YIPF2: variants seen among roughly 807,000 people sequenced by gnomAD.
The protein encoded by YIPF2 is Yip1 domain family member 2.
A neutral mutation model predicts 38.8 loss-of-function variants in YIPF2; 30 were observed. That is an observed-to-expected ratio of 0.77 (90% CI 0.58 to 1.05). The LOEUF (loss-of-function observed/expected upper bound fraction) is 1.05, where lower values mean the gene tolerates loss of function less well. Among genes scored for constraint, YIPF2 ranks in the 50% least tolerant of loss-of-function variants. The pLI, the probability that YIPF2 is intolerant of heterozygous loss-of-function variation, is 0.00. For synonymous variants in YIPF2, 194 were observed against 183.8 expected (o/e 1.06, Z -0.45); for missense variants, 401 against 409.7 (o/e 0.98, Z 0.18).
At chr19:10,928,328 T>G in intron 2 of YIPF2, 52 bp downstream of exon 2, 1 of 1,324,854 alleles carries the variant, frequency 7.5e-7, no homozygotes, top group Non-Finnish European at 9.7e-7. Flanking sequence ...CGGGGGGAGG[T>G]TCTGGCCCGG....
At chr19:10,928,063 G>T in intron 2 of YIPF2, 104 bp from the exon 3 acceptor site, 5 of 1,475,728 alleles carry the variant, frequency 3.4e-6, no homozygotes, top group Non-Finnish European at 3.7e-6. Context: ...GCTCTGCTGA[G>T]CCATTGATCT....
chr19:10,927,520 C>G, intron 4 of YIPF2, 110 bp downstream of exon 4: 1 of 1,375,894 alleles, frequency 7.3e-7, no homozygotes, highest in South Asian at 1.3e-5. Context: ...TTTGAGAGCA[C>G]CACAGTTCGT....
Position 10,923,965 on chromosome 19 carries a change from C to G in YIPF2, c.519G>C (p.Ala173=). Residue 173 remains alanine (A), a synonymous_variant, in exon 7 of 10, where the codon GCG becomes GCC. Coordinates refer to ENST00000586748, the MANE Select transcript of YIPF2 (RefSeq NM_001321439.2). Reference sequence around the variant, plus strand: ...CCCACAGGGCCAGGGGCACCAGCCACGCATAGCAGTAGATGCTGATGCCTG... The same window carrying G: ...CCCACAGGGCCAGGGGCACCAGCCAGGCATAGCAGTAGATGCTGATGCCTG... ...TVAGISIYCY[A]WLVPLALWGF... 1 of 1,613,464 alleles carries G rather than the reference C, an allele frequency of 6.2e-7. No individual in the cohort carries two copies. The highest frequency in any genetic ancestry group is 8.5e-7 in the Non-Finnish European group (1 of 1,179,794).
intron 4 of YIPF2, among the ~76,000 whole-genome samples, chr19:10,927,239 G>C (rs563472105): frequency 4.6e-5 from 7 of 152,228 alleles, no homozygotes; most frequent in African/African-American, 1.7e-4. Context: ...GAACTCCTCA[G>C]GTTATCTGCC....
rs1432371088 is a variant in YIPF2 at position 10,922,727 on chromosome 19, GAAA to G, written c.*464_*466del. The G allele has an allele frequency of 6.6e-6, 1 of 152,230 alleles. No homozygotes were observed. The highest frequency in any genetic ancestry group is 6.6e-5 in the Admixed American group (1 of 15,256). 9.4% of individuals were successfully genotyped at this position (152,230 alleles called of 1,614,324 possible). On this transcript the variant is annotated 3_prime_UTR_variant, in exon 10 of 10. Transcript: ENST00000586748. The stretch of plus-strand genomic sequence containing the variant: ...GCAGGGACCTCTCCCTCCAAAAAAA[GAAA>G]AAAAGAAAAAGAAAGAAAAAATAAA...
chr19:10,928,360 C>G lies in YIPF2; in HGVS notation c.31+20G>C. 7.6e-7 allele frequency: 1 copy of G among 1,320,502 alleles called. No individual in the cohort carries two copies. The highest frequency in any genetic ancestry group is 9.7e-7 in the Non-Finnish European group (1 of 1,028,994). The allele number at this position is 1,320,502 out of a possible 1,614,324, so 81.8% of individuals were successfully genotyped here. ...CCGGGGCGGGAGTGGGAGATCCGGC[C>G]ACGTCGGGGCCGCACTCACCATGGA... On this transcript the variant is annotated intron_variant, in intron 2 of 9. Coordinates refer to ENST00000586748, the MANE Select transcript of YIPF2 (RefSeq NM_001321439.2).
chr19:10,923,454 CT>C (rs749892128), intron 8 of YIPF2, 40 bp downstream of exon 8: 4 of 1,613,042 alleles, frequency 2.5e-6, no homozygotes, highest in Non-Finnish European at 2.5e-6. Context: ...CCATGCCCCC[CT>C]AGCCCCTCGG....
intron 5 of YIPF2, among the ~76,000 whole-genome samples, chr19:10,924,459 C>A (rs1421654933): frequency 6.6e-6 from 1 of 152,128 alleles, no homozygotes; most frequent in Non-Finnish European, 1.5e-5. Flanking sequence ...CTCTTTGACT[C>A]TCTGACCCCT....
Position 10,924,082 on chromosome 19 carries a change from G to C in YIPF2, c.478C>G (p.His160Asp). 1 of 1,613,880 alleles carries C rather than the reference G, an allele frequency of 6.2e-7. No individual in the cohort carries two copies. The change falls in exon 6 of 10, where the codon CAC becomes GAC. Residue 160 changes from histidine to aspartate, a missense_variant. Transcript: ENST00000586748. The part of the protein sequence containing the change: ...DPSIHYSPQF[H>D]KVTVAGISIY... ...GGCCTGCCCGTCTGCTTACCCTTGT[G>C]GAACTGGGGGCTGTAGTGGATGGAG... is the stretch of plus-strand genomic sequence containing the variant.
intron 5 of YIPF2, among the ~76,000 whole-genome samples, chr19:10,924,438 CCT>C (rs1438573094): frequency 3.9e-5 from 6 of 152,112 alleles, no homozygotes; most frequent in Admixed American, 1.3e-4. Context: ...TTCCTCAACC[CCT>C]GTCACCTCCT....
chr19:10,926,878 T>G (rs1175481600), intron 4 of YIPF2, among the ~76,000 whole-genome samples: 1 of 151,552 alleles, frequency 6.6e-6, no homozygotes, highest in Non-Finnish European at 1.5e-5. Context: ...TTTATCTTAT[T>G]TTATTTTTGA....
rs760989205 is a variant in YIPF2, at chr19:10,923,076, G to C, written c.*118C>G. On this transcript the variant is annotated 3_prime_UTR_variant, in exon 10 of 10. Transcript: ENST00000586748. Reference sequence around the variant, plus strand: ...TAAAAGTGTTTGCTTTGTAAGAAAAGTCTGGAAAGTAGCAGAATCATCTCA... The same window carrying C: ...TAAAAGTGTTTGCTTTGTAAGAAAACTCTGGAAAGTAGCAGAATCATCTCA... 3.8e-6 allele frequency: 2 copies of C among 522,378 alleles called. No individual in the cohort carries two copies. Among genetic ancestry groups the C allele is most frequent in the African/African-American group, 2.0e-5 (1 of 50,344 alleles). The allele number at this position is 522,378 out of a possible 1,614,324, so 32.4% of individuals were successfully genotyped here.
chr19:10,924,126 A>C lies in YIPF2; in HGVS notation c.434T>G (p.Leu145Arg). 1 of 1,613,762 alleles carries C rather than the reference A, an allele frequency of 6.2e-7. No individual in the cohort carries two copies. ...GATGGAGGGGTCCCTCCTCTGGGCC[A>C]GCACCAGCGTCAGGTTGCCAGTGAC... Reference protein sequence around the residue: ...LAVTGNLTLVLAQRRDPSIHY... With the variant: ...LAVTGNLTLVRAQRRDPSIHY... The change falls in exon 6 of 10, where the codon CTG becomes CGG. Residue 145 changes from leucine to arginine, a missense_variant. By Grantham distance (102) the Leu-to-Arg change is moderately radical. Coordinates refer to ENST00000586748, the MANE Select transcript of YIPF2 (RefSeq NM_001321439.2).
At chr19:10,924,224 G>T in intron 5 of YIPF2, 32 bp from the exon 6 acceptor site, 1 of 1,575,550 alleles carries the variant, frequency 6.3e-7, no homozygotes, top group South Asian at 1.1e-5. Flanking sequence ...AGGGTCCCGG[G>T]CCCTGCACTC....
Position 10,928,398 on chromosome 19 carries a change from C to T in YIPF2, c.13G>A (p.Asp5Asn). Residue 5 changes from aspartate (D) to asparagine (N), a missense_variant, in exon 2 of 10, where the codon GAC becomes AAC. Transcript: ENST00000586748. MASA[D>N]ELTFHEFEEA... ...CACTCACCATGGAAGGTCAGCTCGT[C>T]GGCCGATGCCATGGTCGTTCAGGGG... is the stretch of plus-strand genomic sequence containing the variant. 2 of 1,333,488 alleles carry T rather than the reference C, an allele frequency of 1.5e-6. No individual in the cohort carries two copies. Among genetic ancestry groups the T allele is most frequent in the Non-Finnish European group, 1.9e-6 (2 of 1,037,142 alleles). 82.6% of individuals were successfully genotyped at this position (1,333,488 alleles called of 1,614,324 possible).
In YIPF2 at chr19:10,928,561, C is replaced by G; in HGVS notation, c.-81G>C. On this transcript the variant is annotated 5_prime_UTR_variant, in exon 1 of 10. Transcript: ENST00000586748. ...GCTTGAACTCGTCGTCCCGTCCCCA[C>G]AGGTGCGCTCCGCCCCCCCTCACCT... is the stretch of plus-strand genomic sequence containing the variant. The G allele has an allele frequency of 1.8e-6, 2 of 1,123,740 alleles. No homozygotes were observed. Among genetic ancestry groups the G allele is most frequent in the South Asian group, 3.9e-5 (2 of 51,374 alleles). 69.6% of individuals were successfully genotyped at this position (1,123,740 alleles called of 1,614,324 possible).
intron 2 of YIPF2, 29 bp from the exon 3 acceptor site, chr19:10,927,988 A>ACT (rs756290255): frequency 1.8e-5 from 29 of 1,584,128 alleles, no homozygotes; most frequent in Non-Finnish European, 2.5e-5. Context: ...GGACACACGC[A>ACT]CGTTTGAGGG....
rs375336858 is a variant in YIPF2, at chr19:10,922,893, G to A, written c.*301C>T. On this transcript the variant is annotated 3_prime_UTR_variant, in exon 10 of 10. Coordinates refer to ENST00000586748, the MANE Select transcript of YIPF2 (RefSeq NM_001321439.2). ...GAGCGGGCGCTGTCCAGGCTGGGCC[G>A]CCCCCTTGGCTCTCCCTCCTGTTCC... is the stretch of plus-strand genomic sequence containing the variant. 10 of 176,300 alleles carry A rather than the reference G, an allele frequency of 5.7e-5. No individual in the cohort carries two copies. The highest frequency in any genetic ancestry group is 4.2e-4 in the South Asian group (3 of 7,094). The allele number at this position is 176,300 out of a possible 1,614,324, so 10.9% of individuals were successfully genotyped here.
chr19:10,924,324 G>A, intron 5 of YIPF2, 132 bp from the exon 6 acceptor site: 1 of 773,852 alleles, frequency 1.3e-6, no homozygotes, highest in South Asian at 1.8e-5. Flanking sequence ...GGACACCGGG[G>A]GCCTCCTGGT....
Sources: gnomAD v4.1 joint callset for allele counts (sites outside exome capture counted in the v4.1 genomes callset) on GRCh38, gnomAD v4.1.1 for gene constraint, MANE v1.5 for transcripts, NCBI Gene and HGNC (gene_info 2026-07-23, HGNC 2026-07-21) for gene names.